Variants in LGR5 observed in about 807,000 individuals in gnomAD.
LGR5 encodes leucine-rich repeat-containing G protein-coupled receptor 5.
A neutral mutation model predicts 76.7 loss-of-function variants in LGR5; 54 were observed. The observed-to-expected ratio is 0.70, with a 90% CI of 0.57 to 0.88. The LOEUF (loss-of-function observed/expected upper bound fraction) is 0.88, where lower values mean the gene tolerates loss of function less well. LGR5 is among the 40% of genes least tolerant of loss of function. The pLI, the probability that LGR5 is intolerant of heterozygous loss-of-function variation, is 0.00. For missense variants in LGR5, 1,078 were observed against 1,073.3 expected (o/e 1.00, Z -0.06); for synonymous variants, 406 against 421.9 (o/e 0.96, Z 0.46).
intron 1 of LGR5, among the ~76,000 whole-genome samples, chr12:71,464,958 G>C (rs900911314): frequency 6.6e-6 from 1 of 152,114 alleles, no homozygotes; most frequent in African/African-American, 2.4e-5. Context: ...AGAGGGAGAA[G>C]TTAAACTGAG....
At chr12:71,575,282 C>CTTA (rs935086883) in intron 13 of LGR5, among the ~76,000 whole-genome samples, 7 of 152,176 alleles carry the variant, frequency 4.6e-5, no homozygotes, top group Middle Eastern at 3.4e-3. Context: ...ACTATGCAAC[C>CTTA]TTATTATTAT....
intron 4 of LGR5, 47 bp downstream of exon 4, chr12:71,535,233 A>G (rs762623737): frequency 1.6e-6 from 2 of 1,279,008 alleles, no homozygotes; most frequent in South Asian, 2.4e-5. Context: ...CAATTTGGGA[A>G]GAAGCATTGA....
At chr12:71,579,523 T>C (rs1475517225) in intron 15 of LGR5, among the ~76,000 whole-genome samples, 1 of 152,172 alleles carries the variant, frequency 6.6e-6, no homozygotes, top group Non-Finnish European at 1.5e-5. Flanking sequence ...TATGGTTACA[T>C]AGTTGGTGTT....
chr12:71,563,626 C>T (rs1033157915), intron 8 of LGR5, among the ~76,000 whole-genome samples: 8 of 152,338 alleles, frequency 5.3e-5, no homozygotes, highest in Non-Finnish European at 7.4e-5. Flanking sequence ...GTTATGTTCA[C>T]GGAACAAAGC....
At position 71,584,205 on chromosome 12, in the gene LGR5, T is replaced by G. The variant is rs757649365; in HGVS notation, c.2195T>G (p.Leu732Arg). The change falls in exon 18 of 18, where the codon CTC (leucine) becomes CGC (arginine). Residue 732 changes from leucine (L) to arginine (R), a missense_variant. Physicochemically the swap from Leu to Arg is moderately radical, Grantham distance 102. Coordinates refer to ENST00000266674, the MANE Select transcript of LGR5 (RefSeq NM_003667.4). ...GGCTACATGGTCGCTCTCATCTTGC[T>G]CAATTCCCTTTGCTTCCTCATGATG... Reference protein sequence around the residue: ...TMGYMVALILLNSLCFLMMTI... With the variant: ...TMGYMVALILRNSLCFLMMTI... 7.4e-6 allele frequency: 12 copies of G among 1,614,168 alleles called. No individual in the cohort carries two copies. The highest frequency in any genetic ancestry group is 1.0e-5 in the Non-Finnish European group (12 of 1,180,018).
chr12:71,504,669 C>T lies in LGR5; in HGVS notation c.268C>T (p.Arg90Cys), dbSNP rs746798524. The T allele has an allele frequency of 2.0e-5, 33 of 1,613,594 alleles. No homozygotes were observed. The highest frequency in any genetic ancestry group is 1.6e-4 in the Middle Eastern group (1 of 6,084). The change falls in exon 2 of 18, where the codon CGC (arginine) becomes TGC (cysteine). Residue 90 changes from arginine (R) to cysteine (C), a missense_variant. Physicochemically the swap from Arg to Cys is radical, Grantham distance 180. Transcript: ENST00000266674. Reference sequence around the variant, plus strand: ...GCTCCCGAATCCCCTGCCCAGTCTCCGCTTCCTGGAGGAGTTGTAAGTATC... The same window carrying T: ...GCTCCCGAATCCCCTGCCCAGTCTCTGCTTCCTGGAGGAGTTGTAAGTATC... The part of the protein sequence containing the change: ...QLLPNPLPSL[R>C]FLEELRLAGN...
intron 1 of LGR5, among the ~76,000 whole-genome samples, chr12:71,490,093 A>G (rs556068300): frequency 1.3e-5 from 2 of 150,446 alleles, no homozygotes; most frequent in Admixed American, 6.6e-5. Flanking sequence ...TCACACCACT[A>G]TCCTCCAGCC....
At chr12:71,549,269 A>C (rs1332706537) in intron 4 of LGR5, among the ~76,000 whole-genome samples, 1 of 83,850 alleles carries the variant, frequency 1.2e-5, no homozygotes, top group Non-Finnish European at 2.8e-5. Context: ...AGAGTGTAGA[A>C]TAGTGGTCGC....
At chr12:71,543,971 A>G (rs2137387326) in intron 4 of LGR5, among the ~76,000 whole-genome samples, 2 of 152,368 alleles carry the variant, frequency 1.3e-5, no homozygotes, top group African/African-American at 4.8e-5. Context: ...AAACTGAAGA[A>G]GTTATTGCTC....
chr12:71,444,513 T>C (rs1224427905), intron 1 of LGR5, among the ~76,000 whole-genome samples: 1 of 152,034 alleles, frequency 6.6e-6, no homozygotes, highest in Non-Finnish European at 1.5e-5. Context: ...CATGGCAGAG[T>C]TGGTGTGACA....
In LGR5 at chr12:71,441,073, C is replaced by T. The variant is rs369210297; in HGVS notation, c.212+781C>T. Among the ~76,000 whole-genome samples the T allele has an allele frequency of 5.3e-5, 8 of 152,114 alleles. No individual in the cohort carries two copies. The East Asian group carries it at 9.7e-4, about 18-fold the overall frequency. On this transcript the variant is annotated intron_variant, in intron 1 of 17. Transcript: ENST00000266674. ...TGAAGGCTGTTGGGCTGGTAAACAG[C>T]GGCACCGACACCCAAAGGGAGACCT...
At chr12:71,511,252 C>T (rs942414517) in intron 2 of LGR5, among the ~76,000 whole-genome samples, 10 of 152,154 alleles carry the variant, frequency 6.6e-5, no homozygotes, top group African/African-American at 2.4e-4. Context: ...ATTGCTAGAC[C>T]AATGGTTCTC....
Position 71,577,589 on chromosome 12 carries a change from G to T in LGR5, c.1209-336G>T, listed in dbSNP as rs111928276. ...ACTTGTCAGAAGAAGAGACTCAGAA[G>T]TTTCTGTCCCTTCCCACAGTGCTAC... is the stretch of plus-strand genomic sequence containing the variant. On this transcript the variant is annotated intron_variant, in intron 13 of 17. Transcript: ENST00000266674. Among the ~76,000 whole-genome samples, 1,235 of 152,296 alleles carry T rather than the reference G, an allele frequency of 8.1e-3. 15 individuals carry two copies. The highest frequency in any genetic ancestry group is 0.028 in the African/African-American group (1,157 of 41,560).
intron 1 of LGR5, among the ~76,000 whole-genome samples, chr12:71,499,221 T>A (rs1184286862): frequency 6.6e-6 from 1 of 151,552 alleles, no homozygotes; most frequent in African/African-American, 2.4e-5. Flanking sequence ...ACAGCCTAGG[T>A]TTTGGGGCTA....
chr12:71,492,755 A>G (rs1224736011), intron 1 of LGR5, among the ~76,000 whole-genome samples: 1 of 149,140 alleles, frequency 6.7e-6, no homozygotes, highest in Non-Finnish European at 1.5e-5. Flanking sequence ...ATCTTAAGGT[A>G]CAGGTTTCTT....
At chr12:71,442,256 C>G (rs1364687359) in intron 1 of LGR5, among the ~76,000 whole-genome samples, 3 of 152,200 alleles carry the variant, frequency 2.0e-5, no homozygotes, top group African/African-American at 7.2e-5. Context: ...CCATTTCCCA[C>G]ATACCTCAAA....
At chr12:71,497,481 T>A (rs1874386562) in intron 1 of LGR5, among the ~76,000 whole-genome samples, 1 of 152,160 alleles carries the variant, frequency 6.6e-6, no homozygotes, top group African/African-American at 2.4e-5. Flanking sequence ...ATAAAAAAAA[T>A]TCTTAAGGAT....
intron 11 of LGR5, among the ~76,000 whole-genome samples, chr12:71,568,098 T>C (rs1280942207): frequency 1.3e-5 from 2 of 152,192 alleles, no homozygotes; most frequent in Admixed American, 6.5e-5. Flanking sequence ...GGCGCAGTTA[T>C]ATGATTAGGA....
chr12:71,477,735 C>T (rs1300238273), intron 1 of LGR5, among the ~76,000 whole-genome samples: 2 of 152,066 alleles, frequency 1.3e-5, no homozygotes, highest in Non-Finnish European at 2.9e-5. Context: ...CTTCCAGGGA[C>T]ATAGTAAGTA....
Sources: gnomAD v4.1 joint callset for allele counts (sites outside exome capture counted in the v4.1 genomes callset) on GRCh38, gnomAD v4.1.1 for gene constraint, MANE v1.5 for transcripts, NCBI Gene and HGNC (gene_info 2026-07-23, HGNC 2026-07-21) for gene names.